The following PTPRN2 variants were observed in gnomAD, a reference collection of about 807,000 sequenced individuals.
PTPRN2 encodes the protein protein tyrosine phosphatase receptor type N2, also known as receptor-type tyrosine-protein phosphatase N2.
Under a neutral mutation model 118.8 loss-of-function variants are expected in PTPRN2, and 74 were observed. The observed-to-expected ratio is 0.62, with a 90% CI of 0.52 to 0.76. PTPRN2 has a LOEUF of 0.76. PTPRN2 is among the 30% of genes least tolerant of loss of function. The pLI is 0.00. For missense variants in PTPRN2, 1,481 were observed against 1,394.4 expected (o/e 1.06, Z -0.99); for synonymous variants, 641 against 608.0 (o/e 1.05, Z -0.80).
intron 12 of PTPRN2, chr7:157,857,564 C>T (rs1437749524): frequency 6.6e-6 from 1 of 152,288 alleles, no homozygotes; most frequent in Admixed American, 6.5e-5. Flanking sequence ...GCTCCTACAC[C>T]CACCAGTGGC....
At chr7:158,440,516 ATAG>A (rs947997927) in intron 2 of PTPRN2, among the ~76,000 whole-genome samples, 8 of 147,150 alleles carry the variant, frequency 5.4e-5, no homozygotes, top group South Asian at 4.2e-4. Flanking sequence ...AATAGGGGTG[ATAG>A]TGGTGATGTG....
At chr7:157,556,822 GCA>G (rs139921885) in intron 21 of PTPRN2, among the ~76,000 whole-genome samples, 6 of 151,138 alleles carry the variant, frequency 4.0e-5, no homozygotes, top group Non-Finnish European at 7.4e-5. Flanking sequence ...TCATACATAT[GCA>G]CACACAAATA....
intron 12 of PTPRN2, among the ~76,000 whole-genome samples, chr7:157,806,586 G>C (rs1201656932): frequency 6.6e-6 from 1 of 152,120 alleles, no homozygotes; most frequent in South Asian, 2.1e-4. Context: ...GTATATGCGT[G>C]TACATCTGTG....
intron 11 of PTPRN2, among the ~76,000 whole-genome samples, chr7:157,968,716 AG>A (rs1218252844): frequency 3.9e-5 from 6 of 152,226 alleles, no homozygotes; most frequent in African/African-American, 9.6e-5. Flanking sequence ...ACAGCCTAGA[AG>A]GGTTTGTGTT....
At chr7:158,171,205 CTATA>C (rs1297788901) in intron 5 of PTPRN2, among the ~76,000 whole-genome samples, 1 of 74,070 alleles carries the variant, frequency 1.4e-5, no homozygotes, top group African/African-American at 4.9e-5. Flanking sequence ...TATATATACA[CTATA>C]TATACACACA....
At chr7:158,497,309 C>A (rs1404179040) in intron 1 of PTPRN2, among the ~76,000 whole-genome samples, 1 of 148,638 alleles carries the variant, frequency 6.7e-6, no homozygotes, top group African/African-American at 2.5e-5. Flanking sequence ...CCAGCCCCAC[C>A]CTGCCCACTG....
In PTPRN2 at chr7:157,619,013, C is replaced by G. The variant is rs1802981583; in HGVS notation, c.2344+2349G>C. Among the ~76,000 whole-genome samples, 1 of 152,122 alleles carries G rather than the reference C, an allele frequency of 6.6e-6. No homozygotes were observed. The highest frequency in any genetic ancestry group is 1.5e-5 in the Non-Finnish European group (1 of 68,036). On this transcript the variant is annotated intron_variant, in intron 15 of 22. Transcript: ENST00000389418. The surrounding 1 kb of genome is among the most constrained non-coding windows in gnomAD (Gnocchi z 5.3). Reference sequence around the variant, plus strand: ...GCTGTCCTGATCCCCATGAGAACATCAGGCGCCCATCCACATGTGGCCACC... The same window carrying G: ...GCTGTCCTGATCCCCATGAGAACATGAGGCGCCCATCCACATGTGGCCACC...
At position 157,868,170 on chromosome 7, in the gene PTPRN2, C is replaced by G. The variant is rs1351173987; in HGVS notation, c.1788+30503G>C. 1.3e-5 allele frequency among the ~76,000 whole-genome samples: 2 copies of G among 152,200 alleles called. No homozygotes were observed. Among genetic ancestry groups the G allele is most frequent in the Admixed American group, 1.3e-4 (2 of 15,286 alleles). On this transcript the variant is annotated intron_variant, in intron 12 of 22. Transcript: ENST00000389418. The surrounding 1 kb of genome is among the most constrained non-coding windows in gnomAD (Gnocchi z 5.2). ...CAGACACAGTTATCCTAAGGCCAGG[C>G]ACAGGAAGGGTTCCTTTCCCGATGG... is the stretch of plus-strand genomic sequence containing the variant.
intron 3 of PTPRN2, among the ~76,000 whole-genome samples, chr7:158,278,620 T>C (rs1240226940): frequency 6.6e-6 from 1 of 152,248 alleles, no homozygotes; most frequent in Non-Finnish European, 1.5e-5. Context: ...AATTGGTGGG[T>C]TCTTGGTCTC....
intron 12 of PTPRN2, among the ~76,000 whole-genome samples, chr7:157,737,546 C>T (rs1298163834): frequency 1.3e-5 from 2 of 152,250 alleles, no homozygotes; most frequent in African/African-American, 2.4e-5. Flanking sequence ...TCCCCTGAGG[C>T]GAGGACGCAG....
intron 1 of PTPRN2, among the ~76,000 whole-genome samples, chr7:158,543,151 G>A (rs1056726286): frequency 4.6e-5 from 7 of 152,226 alleles, no homozygotes; most frequent in African/African-American, 1.2e-4. Context: ...CAGTCCATTC[G>A]CTTTTCAAAC....
At chr7:157,883,954 C>T (rs1212467668) in intron 12 of PTPRN2, among the ~76,000 whole-genome samples, 3 of 152,086 alleles carry the variant, frequency 2.0e-5, no homozygotes, top group African/African-American at 7.2e-5. Context: ...AACACGCCAC[C>T]CCAAAATGAC....
intron 2 of PTPRN2, among the ~76,000 whole-genome samples, chr7:158,386,096 A>G (rs1207849097): frequency 1.0e-4 from 5 of 47,806 alleles, no homozygotes; most frequent in South Asian, 1.6e-3. Flanking sequence ...CCCGTGCCCC[A>G]AGTCCCTCCT....
intron 11 of PTPRN2, among the ~76,000 whole-genome samples, chr7:157,926,738 C>T (rs1255824753): frequency 6.6e-6 from 1 of 152,194 alleles, no homozygotes; most frequent in Non-Finnish European, 1.5e-5. Flanking sequence ...CCTGCTTAGA[C>T]CTGAGAAGTA....
chr7:158,210,379 C>T, intron 3 of PTPRN2, among the ~76,000 whole-genome samples: 1 of 151,874 alleles, frequency 6.6e-6, no homozygotes, highest in Non-Finnish European at 1.5e-5. Context: ...TCGTGATCCG[C>T]CCGCCTCGGC....
At chr7:158,255,113 G>T (rs1222531290) in intron 3 of PTPRN2, among the ~76,000 whole-genome samples, 2 of 152,170 alleles carry the variant, frequency 1.3e-5, no homozygotes, top group Admixed American at 6.5e-5. Flanking sequence ...CAACCCAAAA[G>T]CTCCCTCGCA....
At chr7:158,553,264 G>T (rs1054819120) in intron 1 of PTPRN2, among the ~76,000 whole-genome samples, 3 of 151,314 alleles carry the variant, frequency 2.0e-5, no homozygotes, top group African/African-American at 7.3e-5. Context: ...ACACAGGCTT[G>T]GGAGTCTACA....
intron 9 of PTPRN2, among the ~76,000 whole-genome samples, chr7:158,129,459 A>G (rs745376729): frequency 6.7e-6 from 1 of 150,056 alleles, no homozygotes; most frequent in Non-Finnish European, 1.5e-5. Context: ...CACCACATAT[A>G]CAACACACTG....
intron 12 of PTPRN2, among the ~76,000 whole-genome samples, chr7:157,817,064 A>G (rs10257402): frequency 0.086 from 13,051 of 152,136 alleles, 923 homozygotes; most frequent in African/African-American, 0.18. Flanking sequence ...CTCAAGGTGG[A>G]GGGAGGCTGT....
Sources: gnomAD v4.1 joint callset for allele counts (sites outside exome capture counted in the v4.1 genomes callset) on GRCh38, gnomAD v4.1.1 for gene constraint, Gnocchi (gnomAD v3.1) non-coding constraint, MANE v1.5 for transcripts, NCBI Gene and HGNC (gene_info 2026-07-23, HGNC 2026-07-21) for gene names.